Variants in TNS1 observed in about 807,000 individuals in gnomAD.
TNS1 encodes tensin-1.
A neutral mutation model predicts 168.6 loss-of-function variants in TNS1; 62 were observed. The ratio of observed to expected loss-of-function variants is 0.37; its 90% CI spans 0.30 to 0.45. TNS1 has a LOEUF of 0.45. Ranked by LOEUF, TNS1 falls within the 20% of genes least tolerant of loss-of-function variation. TNS1 has a pLI of 1.00. For synonymous variants in TNS1, 934 were observed against 933.2 expected, an observed-to-expected ratio of 1.00 and a Z score of -0.02; for missense variants, 2,240 against 2,339.4, an observed-to-expected ratio of 0.96 and a Z score of 0.88.
At chr2:217,952,132 G>GCGGC (rs1402410679) in intron 3 of TNS1, among the ~76,000 whole-genome samples, 1 of 152,332 alleles carries the variant, frequency 6.6e-6, no homozygotes, top group East Asian at 1.9e-4. Flanking sequence ...GAAAGAACAG[G>GCGGC]CGGCCGGAGG....
chr2:217,998,689 A>G (rs1358726740), intron 1 of TNS1, among the ~76,000 whole-genome samples: 1 of 152,198 alleles, frequency 6.6e-6, no homozygotes, highest in East Asian at 1.9e-4. Context: ...TCGTACAGAC[A>G]TGGTCTTACT....
chr2:217,959,589 G>A (rs773647970), intron 3 of TNS1, among the ~76,000 whole-genome samples: 2 of 152,156 alleles, frequency 1.3e-5, no homozygotes, highest in Admixed American at 6.5e-5. Context: ...CCTGGAACCC[G>A]GTGCCTTAGC....
At chr2:217,871,830 T>G (rs2125596479) in intron 18 of TNS1, among the ~76,000 whole-genome samples, 1 of 152,392 alleles carries the variant, frequency 6.6e-6, no homozygotes, top group South Asian at 2.1e-4. Context: ...CTTTTTCCTG[T>G]TCTACCATCC....
At chr2:217,816,452 C>T (rs1002123762) in intron 24 of TNS1, among the ~76,000 whole-genome samples, 2 of 152,146 alleles carry the variant, frequency 1.3e-5, no homozygotes, top group African/African-American at 2.4e-5. Flanking sequence ...GATCTGTCTC[C>T]GGGCGAGTGT....
chr2:218,003,420 C>T (rs1203244563), upstream of TNS1, among the ~76,000 whole-genome samples: 4 of 152,160 alleles, frequency 2.6e-5, no homozygotes, highest in African/African-American at 9.7e-5. Flanking sequence ...TTGGCCCCTC[C>T]CCTTCTCTGA....
chr2:217,839,855 G>A (rs982103755), intron 19 of TNS1, among the ~76,000 whole-genome samples: 4 of 152,238 alleles, frequency 2.6e-5, no homozygotes, highest in African/African-American at 4.8e-5. Flanking sequence ...CTCCAGAAGC[G>A]AGGGGATCCG....
intron 32 of TNS1, 63 bp from the exon 33 acceptor site, chr2:217,804,666 G>A: frequency 3.1e-6 from 5 of 1,599,132 alleles, no homozygotes; most frequent in Non-Finnish European, 3.4e-6. Flanking sequence ...GAGGTGGACA[G>A]CAGCCCAGGT....
chr2:217,849,824 C>T (rs1947220624), intron 18 of TNS1: 1 of 985,308 alleles, frequency 1.0e-6, no homozygotes, highest in African/African-American at 1.7e-5. Flanking sequence ...GGGGAGAACC[C>T]AGGAGGGCAG....
At chr2:217,966,302 TGTGTGTGC>T (rs1220538049) in intron 3 of TNS1, among the ~76,000 whole-genome samples, 29 of 140,828 alleles carry the variant, frequency 2.1e-4, no homozygotes, top group African/African-American at 7.5e-4. Flanking sequence ...TGTGTGTGTG[TGTGTGTGC>T]GCGCGCGCGC....
At chr2:217,917,386 G>A (rs1955140918) in intron 4 of TNS1, among the ~76,000 whole-genome samples, 1 of 152,154 alleles carries the variant, frequency 6.6e-6, no homozygotes. Context: ...TTGTCCTAAT[G>A]GAGTTTACAT....
chr2:217,885,268 C>T (rs1168476501), intron 15 of TNS1, 104 bp from the exon 16 acceptor site: 1 of 1,504,300 alleles, frequency 6.6e-7, no homozygotes, highest in Non-Finnish European at 9.0e-7. Flanking sequence ...CAAGGCTCAC[C>T]CCAAACCCGG....
rs540786312 is a variant in TNS1 at position 217,927,829 on chromosome 2, G to A, written c.187-7593C>T. On this transcript the variant is annotated intron_variant, in intron 3 of 32. Transcript: ENST00000682258. ...GTTCACCCTCTGGGCCCTGCCCCAGGAACCTGTGGCCAGGAGGCAGGCAGC... is the reference window on the plus strand; with the variant it reads ...GTTCACCCTCTGGGCCCTGCCCCAGAAACCTGTGGCCAGGAGGCAGGCAGC... Among the ~76,000 whole-genome samples the A allele has an allele frequency of 5.3e-5, 8 of 152,344 alleles. No homozygotes were observed. The South Asian group carries it at 1.4e-3, about 28-fold the overall frequency.
chr2:217,953,143 C>T (rs1394600321), intron 3 of TNS1, among the ~76,000 whole-genome samples: 2 of 151,940 alleles, frequency 1.3e-5, no homozygotes, highest in Admixed American at 1.3e-4. Flanking sequence ...AAGAGCAGCT[C>T]GGGCCCCTGG....
chr2:217,978,723 T>C, intron 3 of TNS1, 42 bp downstream of exon 3: 1 of 700,578 alleles, frequency 1.4e-6, no homozygotes, highest in East Asian at 2.7e-5. Flanking sequence ...GAGCCAGGCC[T>C]GTCCCAAGTC....
At position 217,948,725 on chromosome 2, in the gene TNS1, T is replaced by C. The variant is rs2125970229; in HGVS notation, c.187-28489A>G. On this transcript the variant is annotated intron_variant, in intron 3 of 32. Transcript: ENST00000682258. This position sits in a 1 kb window ranked among gnomAD's most constrained non-coding sequence, Gnocchi z 4.1. ...CTTCCTTCCTAATGTCAGGTCTTCT[T>C]CTATGTCTCATCCTTAAAACTCAGG... is the stretch of plus-strand genomic sequence containing the variant. Among the ~76,000 whole-genome samples the C allele has an allele frequency of 6.6e-6, 1 of 152,212 alleles. No homozygotes were observed. The highest frequency in any genetic ancestry group is 2.1e-4 in the South Asian group (1 of 4,810).
At chr2:217,875,693 T>A (rs934954305) in intron 18 of TNS1, among the ~76,000 whole-genome samples, 1 of 152,160 alleles carries the variant, frequency 6.6e-6, no homozygotes, top group African/African-American at 2.4e-5. Flanking sequence ...AGTCCTTGGA[T>A]AAGCCCAGCT....
chr2:217,891,933 G>A (rs1382502693), intron 11 of TNS1, among the ~76,000 whole-genome samples: 3 of 152,046 alleles, frequency 2.0e-5, no homozygotes, highest in Admixed American at 6.5e-5. Context: ...GACCTGCCTC[G>A]CCACTGCCCT....
intron 27 of TNS1, among the ~76,000 whole-genome samples, chr2:217,812,932 C>T (rs1941228209): frequency 6.6e-6 from 1 of 152,220 alleles, no homozygotes; most frequent in African/African-American, 2.4e-5. Context: ...GTGACATTCA[C>T]ATGGTAGGTG....
intron 19 of TNS1, among the ~76,000 whole-genome samples, chr2:217,838,064 T>C (rs188052207): frequency 8.5e-5 from 13 of 152,172 alleles, no homozygotes; most frequent in Non-Finnish European, 1.2e-4. Context: ...AGAAGCCCAT[T>C]TGGGAGACGC....
Sources: gnomAD v4.1 joint callset for allele counts (sites outside exome capture counted in the v4.1 genomes callset) on GRCh38, gnomAD v4.1.1 for gene constraint, Gnocchi (gnomAD v3.1) non-coding constraint, MANE v1.5 for transcripts, NCBI Gene and HGNC (gene_info 2026-07-23, HGNC 2026-07-21) for gene names.